Variants in EIF4G3 observed in about 807,000 individuals in gnomAD.
EIF4G3 encodes the protein eukaryotic translation initiation factor 4 gamma 3.
Under a neutral mutation model 186.4 loss-of-function variants are expected in EIF4G3, and 34 were observed. The ratio of observed to expected loss-of-function variants is 0.18; its 90% CI spans 0.14 to 0.24. The LOEUF (loss-of-function observed/expected upper bound fraction) is 0.24, where lower values mean the gene tolerates loss of function less well. Ranked by LOEUF, EIF4G3 falls within the 10% of genes least tolerant of loss-of-function variation. The probability of loss-of-function intolerance (pLI) is 1.00; values close to 1 mark genes in which losing one functional copy is unlikely to be tolerated. For missense variants in EIF4G3, 1,536 were observed against 1,948.5 expected, an observed-to-expected ratio of 0.79 and a Z score of 3.99; for synonymous variants, 673 against 679.5, an observed-to-expected ratio of 0.99 and a Z score of 0.15.
intron 2 of EIF4G3, among the ~76,000 whole-genome samples, chr1:21,128,681 T>C (rs1441118815): frequency 6.6e-6 from 1 of 152,200 alleles, no homozygotes; most frequent in Non-Finnish European, 1.5e-5. Flanking sequence ...TTAATCTCTA[T>C]TCTTATTAAT....
intron 4 of EIF4G3, among the ~76,000 whole-genome samples, chr1:21,022,301 T>G (rs901631965): frequency 3.3e-5 from 5 of 152,198 alleles, no homozygotes; most frequent in Admixed American, 2.6e-4. Context: ...TCTATCTGAT[T>G]ATGCTAAATG....
intron 7 of EIF4G3, among the ~76,000 whole-genome samples, chr1:20,996,307 C>G (rs2082275618): frequency 6.6e-6 from 1 of 152,084 alleles, no homozygotes; most frequent in Non-Finnish European, 1.5e-5. Context: ...AAGAATCAAA[C>G]CTAGATCTAG....
intron 4 of EIF4G3, among the ~76,000 whole-genome samples, chr1:21,012,865 A>G (rs1481363853): frequency 6.6e-6 from 1 of 152,196 alleles, no homozygotes; most frequent in Non-Finnish European, 1.5e-5. Flanking sequence ...ACGCCGCTGT[A>G]AATTCCACAA....
intron 2 of EIF4G3, among the ~76,000 whole-genome samples, chr1:21,132,632 G>A (rs72973154): frequency 6.6e-6 from 1 of 151,784 alleles, no homozygotes; most frequent in Admixed American, 6.6e-5. Context: ...TAGAGATGGG[G>A]TGTCACTATG....
intron 4 of EIF4G3, among the ~76,000 whole-genome samples, chr1:21,011,936 A>G (rs1446087975): frequency 6.6e-6 from 1 of 152,198 alleles, no homozygotes; most frequent in Admixed American, 6.6e-5. Context: ...TTTACTTGAA[A>G]GAAGGATAAA....
At chr1:21,165,345 G>T (rs1028419734) in intron 2 of EIF4G3, among the ~76,000 whole-genome samples, 9 of 152,150 alleles carry the variant, frequency 5.9e-5, no homozygotes, top group Admixed American at 4.6e-4. Context: ...ATACTCAAGA[G>T]AAATTACAAC....
chr1:21,131,261 C>T (rs911359395), intron 2 of EIF4G3, among the ~76,000 whole-genome samples: 4 of 133,074 alleles, frequency 3.0e-5, no homozygotes, highest in Admixed American at 7.6e-5. Flanking sequence ...AAAAAATCAA[C>T]GAACTTAAAG....
intron 20 of EIF4G3, among the ~76,000 whole-genome samples, chr1:20,871,822 T>C (rs1442692903): frequency 6.6e-6 from 1 of 152,098 alleles, no homozygotes; most frequent in Non-Finnish European, 1.5e-5. Context: ...TTTCTTTTCT[T>C]TTCTCTGTCT....
At chr1:20,918,104 A>G (rs1049574896) in intron 14 of EIF4G3, among the ~76,000 whole-genome samples, 1 of 152,128 alleles carries the variant, frequency 6.6e-6, no homozygotes, top group Non-Finnish European at 1.5e-5. Flanking sequence ...TCTCCCAACT[A>G]GCCATTTCTA....
chr1:21,062,513 G>C (rs769887477), intron 3 of EIF4G3, among the ~76,000 whole-genome samples: 4 of 152,174 alleles, frequency 2.6e-5, no homozygotes, highest in Non-Finnish European at 4.4e-5. Flanking sequence ...AGTAGTCTCA[G>C]GATTGATATG....
chr1:20,941,003 A>G (rs1179007640), intron 14 of EIF4G3, among the ~76,000 whole-genome samples: 1 of 152,242 alleles, frequency 6.6e-6, no homozygotes, highest in African/African-American at 2.4e-5. Context: ...TTTCAAAAAT[A>G]GTTATAAACC....
At chr1:21,020,795 A>G (rs1174354550) in intron 4 of EIF4G3, among the ~76,000 whole-genome samples, 1 of 152,240 alleles carries the variant, frequency 6.6e-6, no homozygotes, top group Non-Finnish European at 1.5e-5. Context: ...TTACTGAAAC[A>G]TGGAGTGAAA....
At chr1:20,944,108 A>C (rs2095843809) in intron 13 of EIF4G3, among the ~76,000 whole-genome samples, 2 of 151,588 alleles carry the variant, frequency 1.3e-5, no homozygotes, top group South Asian at 4.2e-4. Flanking sequence ...CTTTGATGAA[A>C]ATAATTTCCA....
At chr1:20,821,764 C>T (rs1209675167) in intron 33 of EIF4G3, among the ~76,000 whole-genome samples, 2 of 151,076 alleles carry the variant, frequency 1.3e-5, no homozygotes, top group African/African-American at 2.4e-5. Context: ...ATGTATACTT[C>T]TCTATTATGT....
At chr1:21,018,821 T>A (rs917391553) in intron 4 of EIF4G3, among the ~76,000 whole-genome samples, 1 of 152,098 alleles carries the variant, frequency 6.6e-6, no homozygotes, top group African/African-American at 2.4e-5. Flanking sequence ...CCCCTCACCT[T>A]TTGCCATGAG....
At chr1:21,151,372 G>A (rs2097547777) in intron 2 of EIF4G3, among the ~76,000 whole-genome samples, 1 of 150,060 alleles carries the variant, frequency 6.7e-6, no homozygotes, top group Non-Finnish European at 1.5e-5. Flanking sequence ...CCAAGTAGCT[G>A]GGGTTACAGG....
intron 29 of EIF4G3, among the ~76,000 whole-genome samples, chr1:20,845,195 A>G (rs2070407321): frequency 6.6e-6 from 1 of 152,168 alleles, no homozygotes; most frequent in Admixed American, 6.5e-5. Flanking sequence ...GTATCCCAAT[A>G]CCATTTATTA....
chr1:21,084,907 C>T (rs1450509621), intron 3 of EIF4G3, among the ~76,000 whole-genome samples: 5 of 151,838 alleles, frequency 3.3e-5, no homozygotes, highest in African/African-American at 1.2e-4. Flanking sequence ...ATGTAATATC[C>T]ATGAGGGCTG....
intron 4 of EIF4G3, among the ~76,000 whole-genome samples, chr1:21,018,348 G>A (rs1054680390): frequency 4.6e-5 from 7 of 152,062 alleles, no homozygotes; most frequent in African/African-American, 1.4e-4. Context: ...TTGGGAGGCC[G>A]AGGCGGGCGG....
Sources: gnomAD v4.1 joint callset for allele counts (sites outside exome capture counted in the v4.1 genomes callset) on GRCh38, gnomAD v4.1.1 for gene constraint, MANE v1.5 for transcripts, NCBI Gene and HGNC (gene_info 2026-07-23, HGNC 2026-07-21) for gene names.